SPAG9: variants seen among roughly 807,000 people sequenced by gnomAD.
The protein encoded by SPAG9 is sperm associated antigen 9, also known as C-Jun-amino-terminal kinase-interacting protein 4.
Under a neutral mutation model 166.5 loss-of-function variants are expected in SPAG9, and 35 were observed. The observed-to-expected ratio is 0.21, with a 90% confidence interval of 0.16 to 0.28. SPAG9 has a LOEUF of 0.28. Among genes scored for constraint, SPAG9 ranks in the 10% least tolerant of loss-of-function variants. The pLI is 1.00. For synonymous variants in SPAG9, 534 were observed against 565.5 expected, an observed-to-expected ratio of 0.94 and a Z score of 0.79; for missense variants, 1,235 against 1,603.3, an observed-to-expected ratio of 0.77 and a Z score of 3.92.
Position 51,114,389 on chromosome 17 carries a change from T to TG in SPAG9, c.303+5964dup, listed in dbSNP as rs2049219767. The stretch of plus-strand genomic sequence containing the variant: ...GCTCATGCCTGTAATCCCAACACTT[T>TG]GGCAGGCCAAGGTAGGCAGATAACA... On this transcript the variant is annotated intron_variant, in intron 1 of 29. Transcript: ENST00000262013. Among the ~76,000 whole-genome samples, 7 of 151,710 alleles carry TG rather than the reference T, an allele frequency of 4.6e-5. No individual in the cohort carries two copies. In the South Asian group the frequency reaches 1.2e-3, roughly 27 times the overall value.
At chr17:51,072,495 C>G (rs907629094) in intron 2 of SPAG9, among the ~76,000 whole-genome samples, 18 of 150,212 alleles carry the variant, frequency 1.2e-4, no homozygotes, top group Non-Finnish European at 2.7e-4. Context: ...CCAGCCTGGC[C>G]AAAAGGGTGA....
chr17:50,985,524 A>G (rs1275822898), intron 23 of SPAG9, among the ~76,000 whole-genome samples, 174 bp downstream of exon 23: 2 of 152,052 alleles, frequency 1.3e-5, no homozygotes, highest in African/African-American at 4.8e-5. Flanking sequence ...TTCGTTTTCT[A>G]TTATACAGTT....
At chr17:51,027,544 T>C (rs946670209) in intron 6 of SPAG9, among the ~76,000 whole-genome samples, 18 of 152,282 alleles carry the variant, frequency 1.2e-4, no homozygotes, top group African/African-American at 4.3e-4. Context: ...ATAATGACAT[T>C]TTGGTCAATA....
At chr17:51,069,471 C>CT (rs1282728486) in intron 2 of SPAG9, among the ~76,000 whole-genome samples, 3 of 151,954 alleles carry the variant, frequency 2.0e-5, no homozygotes, top group Admixed American at 2.0e-4. Context: ...CAAATATTAA[C>CT]TTTGATATGA....
chr17:51,077,101 G>GCTAT (rs1491297561), intron 2 of SPAG9, among the ~76,000 whole-genome samples: 107 of 102,070 alleles, frequency 1.0e-3, no homozygotes, highest in African/African-American at 2.9e-3. Context: ...TATCTATCTA[G>GCTAT]CTAGCTATCT....
Position 50,995,506 on chromosome 17 carries a change from T to C in SPAG9, c.1996A>G (p.Met666Val). ...TAGACAGGCACAGGTAAATTTTTCA[T>C]CTTATTTTCACCTTGACCATTGGTT... ...QVTNGQGENKMKNLPVPVYLR... is the reference protein window; with the variant it reads ...QVTNGQGENKVKNLPVPVYLR... Residue 666 changes from methionine to valine, a missense_variant, in exon 17 of 30, where the codon ATG becomes GTG. Around this residue, in one of 6 missense-constraint regions of SPAG9, gnomAD observed 493 missense variants for 559.4 expected, o/e 0.88. Coordinates refer to ENST00000262013, the MANE Select transcript of SPAG9 (RefSeq NM_001130528.3). 1 of 1,611,370 alleles carries C rather than the reference T, an allele frequency of 6.2e-7. No homozygotes were observed. Among genetic ancestry groups the C allele is most frequent in the Non-Finnish European group, 8.5e-7 (1 of 1,177,606 alleles).
At chr17:50,966,516 T>C (rs1597864134) in intron 29 of SPAG9, 129 bp from the exon 30 acceptor site, 1 of 661,744 alleles carries the variant, frequency 1.5e-6, no homozygotes, top group South Asian at 1.6e-5. Flanking sequence ...CACTGGAGAG[T>C]AAATAGTAGA....
At chr17:51,110,322 A>G (rs2049070114) in intron 1 of SPAG9, among the ~76,000 whole-genome samples, 1 of 151,998 alleles carries the variant, frequency 6.6e-6, no homozygotes, top group Non-Finnish European at 1.5e-5. Flanking sequence ...TATATGTTTG[A>G]AAGTTTACCT....
chr17:51,022,943 A>AAAT (rs369538903), intron 6 of SPAG9, among the ~76,000 whole-genome samples: 10,302 of 143,162 alleles, frequency 0.072, 912 homozygotes, highest in African/African-American at 0.21. Flanking sequence ...CTCCATCTCA[A>AAAT]AATAATAATA....
At chr17:51,025,407 A>G (rs1232932860) in intron 6 of SPAG9, among the ~76,000 whole-genome samples, 1 of 151,418 alleles carries the variant, frequency 6.6e-6, no homozygotes, top group Non-Finnish European at 1.5e-5. Flanking sequence ...TCTGATAGAA[A>G]CCTACTAATT....
intron 1 of SPAG9, among the ~76,000 whole-genome samples, chr17:51,100,788 G>A (rs770682701): frequency 1.4e-4 from 22 of 151,920 alleles, no homozygotes; most frequent in Non-Finnish European, 2.4e-4. Flanking sequence ...GCATGGTGGT[G>A]CATGCCTGTA....
At chr17:51,034,373 C>T (rs1176010312) in intron 5 of SPAG9, among the ~76,000 whole-genome samples, 1 of 152,144 alleles carries the variant, frequency 6.6e-6, no homozygotes, top group African/African-American at 2.4e-5. Context: ...GCCAGAGCTC[C>T]TTTGAGAAGT....
intron 1 of SPAG9, among the ~76,000 whole-genome samples, chr17:51,092,968 A>G (rs2048510522): frequency 6.6e-6 from 1 of 150,692 alleles, no homozygotes; most frequent in South Asian, 2.1e-4. Flanking sequence ...AAGAAAAAAT[A>G]TTGGCATTTT....
At chr17:51,005,336 C>A in intron 11 of SPAG9, 73 bp from the exon 12 acceptor site, 1 of 1,438,922 alleles carries the variant, frequency 6.9e-7, no homozygotes, top group South Asian at 1.2e-5. Flanking sequence ...AAGAGTAGGT[C>A]AACAATTTTA....
At chr17:51,059,037 A>G (rs1041583810) in intron 2 of SPAG9, among the ~76,000 whole-genome samples, 1 of 152,256 alleles carries the variant, frequency 6.6e-6, no homozygotes, top group Admixed American at 6.5e-5. Flanking sequence ...ATAAATATTC[A>G]TGTACTGGAA....
intron 1 of SPAG9, among the ~76,000 whole-genome samples, chr17:51,100,029 G>A (rs1381757807): frequency 6.6e-6 from 1 of 152,072 alleles, no homozygotes; most frequent in Non-Finnish European, 1.5e-5. Context: ...GAACCTGGGA[G>A]GCGGGAGTTG....
In SPAG9 at chr17:51,037,685, A is replaced by ATAGTGTGT; in HGVS notation, c.741+3815_741+3816insACACACTA. Among the ~76,000 whole-genome samples the ATAGTGTGT allele has an allele frequency of 3.7e-4, 31 of 83,508 alleles. 1 individual carries two copies. In the East Asian group the frequency reaches 7.3e-3, roughly 20 times the overall value. The allele number at this position is 83,508 out of a possible 152,430, so 54.8% of individuals were successfully genotyped here. On this transcript the variant is annotated intron_variant, in intron 5 of 29. Transcript: ENST00000262013. ...GTGTTTTATATATATATATATATAT[A>ATAGTGTGT]GTGTGTGTGTGTGTGTGTGTGTGTG...
In SPAG9 at chr17:51,046,539, C is replaced by A; in HGVS notation, c.590+836G>T. On this transcript the variant is annotated intron_variant, in intron 4 of 29. Transcript: ENST00000262013. ...TAGGTTCTGCGTCAGAGCTGGCACA[C>A]CGGTAGAAATAGAAAAGTGCACAAG... The A allele has an allele frequency of 2.0e-6, 3 of 1,536,088 alleles. No individual in the cohort carries two copies. The East Asian group carries it at 7.3e-5, about 38-fold the overall frequency.
rs778129876 is a variant in SPAG9, at chr17:51,001,700, G to A, written c.1607+15C>T. 9 of 1,597,892 alleles carry A rather than the reference G, an allele frequency of 5.6e-6. No individual in the cohort carries two copies. Among genetic ancestry groups the A allele is most frequent in the Admixed American group, 3.7e-5 (2 of 54,180 alleles). ...AATAATAGTAGGAAAATAATGGAGC[G>A]CTTGTCATACAAACCGAATCATCTC... On this transcript the variant is annotated intron_variant, in intron 13 of 29. Transcript: ENST00000262013.
Sources: allele counts gnomAD v4.1 joint callset (sites outside exome capture counted in the v4.1 genomes callset), GRCh38; gene constraint gnomAD v4.1.1; regional missense constraint gnomAD v4.1.1; transcripts MANE v1.5; gene names NCBI Gene and HGNC (gene_info 2026-07-23, HGNC 2026-07-21).